Variants in COL4A2 observed in about 807,000 individuals in gnomAD.
COL4A2 encodes collagen type IV alpha 2 chain.
A neutral mutation model predicts 200.2 loss-of-function variants in COL4A2; 99 were observed. The ratio of observed to expected loss-of-function variants is 0.49; its 90% confidence interval spans 0.42 to 0.58. COL4A2 has a LOEUF of 0.58. Ranked by LOEUF, COL4A2 falls within the 20% of genes least tolerant of loss-of-function variation. The pLI is 0.00. For missense variants in COL4A2, 1,950 were observed against 2,314.1 expected, an observed-to-expected ratio of 0.84 and a Z score of 3.23; for synonymous variants, 897 against 900.6, an observed-to-expected ratio of 1.00 and a Z score of 0.07.
chr13:110,450,198 G>A (rs564776974), intron 19 of COL4A2, 107 bp from the exon 20 acceptor site: 3 of 893,518 alleles, frequency 3.4e-6, no homozygotes, highest in East Asian at 4.9e-5. Flanking sequence ...TTATTGACGG[G>A]GCCATGAAGC....
At chr13:110,331,656 G>A (rs1322582807) in intron 3 of COL4A2, among the ~76,000 whole-genome samples, 4 of 152,068 alleles carry the variant, frequency 2.6e-5, no homozygotes, top group African/African-American at 7.2e-5. Flanking sequence ...GGCAGTAGGA[G>A]GAATGGAGGC....
rs1566575680 is a variant in COL4A2 at position 110,509,272 on chromosome 13, C to CATAT, written c.4881+1052_4881+1053insTATA. 5.5e-4 allele frequency among the ~76,000 whole-genome samples: 46 copies of CATAT among 83,478 alleles called. 1 individual carries two copies. Among genetic ancestry groups the CATAT allele is most frequent in the African/African-American group, 2.1e-3 (43 of 20,262 alleles). 54.8% of individuals were successfully genotyped at this position (83,478 alleles called of 152,430 possible). A position where few individuals can be genotyped will look rare whatever the true frequency, so the allele number is the denominator to read the frequency against. ...ATATATATATATATATATATATATA[C>CATAT]ACACACACACACACACACACACACA... On this transcript the variant is annotated intron_variant, in intron 47 of 47. Coordinates refer to ENST00000360467, the MANE Select transcript of COL4A2 (RefSeq NM_001846.4).
chr13:110,483,922 T>C (rs1173084462), intron 32 of COL4A2, among the ~76,000 whole-genome samples: 2 of 152,218 alleles, frequency 1.3e-5, no homozygotes. Context: ...ATATAAATTA[T>C]ACATCAATAA....
intron 4 of COL4A2, among the ~76,000 whole-genome samples, chr13:110,400,788 C>T (rs2139430563): frequency 6.6e-6 from 1 of 152,172 alleles, no homozygotes; most frequent in South Asian, 2.1e-4. Flanking sequence ...ATTTCCTGCC[C>T]ACGTACACAT....
intron 40 of COL4A2, among the ~76,000 whole-genome samples, chr13:110,495,819 C>T (rs1194372130): frequency 2.6e-5 from 4 of 152,186 alleles, no homozygotes; most frequent in African/African-American, 9.7e-5. Flanking sequence ...TGCATTAAAC[C>T]TCCTAGCAGA....
At position 110,503,225 on chromosome 13, in the gene COL4A2, G is replaced by T. The variant is rs1483534631; in HGVS notation, c.3982G>T (p.Ala1328Ser). ...APGTPGTKGW[A>S]GDSGPQGRPG... ...AGGAACCCCAGGGACCAAAGGATGGGCCGGGGACTCCGGGCCCCAGGGCAG... is the reference window on the plus strand; with the variant it reads ...AGGAACCCCAGGGACCAAAGGATGGTCCGGGGACTCCGGGCCCCAGGGCAG... The change falls in exon 42 of 48, where the codon GCC becomes TCC. Residue 1328 changes from alanine to serine, a missense_variant. By Grantham distance (99) the Ala-to-Ser change is moderately conservative. Around this residue, in one of 2 missense-constraint regions of COL4A2, gnomAD observed 1,385 missense variants for 1,720.5 expected, o/e 0.80. Transcript: ENST00000360467. The T allele has an allele frequency of 5.6e-6, 9 of 1,613,710 alleles. No individual in the cohort carries two copies. The highest frequency in any genetic ancestry group is 7.6e-6 in the Non-Finnish European group (9 of 1,179,934).
chr13:110,397,990 G>A (rs991462084), intron 4 of COL4A2, among the ~76,000 whole-genome samples: 27 of 152,124 alleles, frequency 1.8e-4, no homozygotes, highest in African/African-American at 6.0e-4. Context: ...GAAAACTCGC[G>A]AACAGATGCA....
chr13:110,407,993 CAG>C (rs1451541012), intron 4 of COL4A2, among the ~76,000 whole-genome samples: 2 of 152,194 alleles, frequency 1.3e-5, no homozygotes, highest in African/African-American at 4.8e-5. Context: ...ACCCTCTAGA[CAG>C]AGGCGTCCAG....
At chr13:110,399,642 A>G (rs1453096889) in intron 4 of COL4A2, among the ~76,000 whole-genome samples, 1 of 152,232 alleles carries the variant, frequency 6.6e-6, no homozygotes, top group Admixed American at 6.5e-5. Context: ...GTTTTGTGAA[A>G]TATATGAAAA....
chr13:110,422,764 G>A (rs1158186555), intron 4 of COL4A2, among the ~76,000 whole-genome samples: 6 of 152,140 alleles, frequency 3.9e-5, no homozygotes, highest in Admixed American at 2.6e-4. Context: ...ACTACTTCCC[G>A]TGATGCCTGG....
At chr13:110,486,277 A>C in intron 34 of COL4A2, among the ~76,000 whole-genome samples, 1 of 152,184 alleles carries the variant, frequency 6.6e-6, no homozygotes, top group South Asian at 2.1e-4. Context: ...TCTGTTGAGC[A>C]CTTGACATGG....
intron 3 of COL4A2, among the ~76,000 whole-genome samples, chr13:110,309,976 G>A (rs1884927446): frequency 6.6e-6 from 1 of 152,158 alleles, no homozygotes; most frequent in African/African-American, 2.4e-5. Context: ...GGGCGACGGA[G>A]CAAGACTCTG....
Position 110,438,026 on chromosome 13 carries a change from C to T in COL4A2, c.850C>T (p.Pro284Ser). ...GGGTGAAAAAGGCAGTGAGGGGGAA[C>T]CAGGAATAAGAGTAAGTCGAGTAAT... is the stretch of plus-strand genomic sequence containing the variant. ...YKGEKGSEGE[P>S]GIRGISLKGE... Residue 284 changes from proline to serine, a missense_variant, in exon 14 of 48, where the codon CCA (proline) becomes TCA (serine). Around this residue, in one of 2 missense-constraint regions of COL4A2, gnomAD observed 565 missense variants for 593.5 expected, o/e 0.95. Transcript: ENST00000360467. 2.5e-6 allele frequency: 4 copies of T among 1,613,372 alleles called. No homozygotes were observed. The highest frequency in any genetic ancestry group is 2.2e-5 in the South Asian group (2 of 91,034).
At chr13:110,353,026 G>A (rs982426386) in intron 3 of COL4A2, among the ~76,000 whole-genome samples, 2 of 152,222 alleles carry the variant, frequency 1.3e-5, no homozygotes, top group Non-Finnish European at 2.9e-5. Flanking sequence ...TGAGAGCTGG[G>A]CATTGGAATT....
chr13:110,328,259 T>C (rs756229890), intron 3 of COL4A2: 5 of 152,254 alleles, frequency 3.3e-5, no homozygotes, highest in Non-Finnish European at 5.9e-5. Context: ...CGGAGGACCA[T>C]GAGTTCCTTG....
intron 39 of COL4A2, 140 bp downstream of exon 39, chr13:110,493,422 C>T: frequency 2.4e-6 from 2 of 823,636 alleles, no homozygotes; most frequent in Non-Finnish European, 3.9e-6. Context: ...ATGCGATCGG[C>T]CGTGAGGGGC....
chr13:110,314,744 C>T (rs866790198), intron 3 of COL4A2, among the ~76,000 whole-genome samples: 2 of 152,322 alleles, frequency 1.3e-5, no homozygotes, highest in South Asian at 4.1e-4. Flanking sequence ...CGCGCTCACC[C>T]CTAGGAACGC....
chr13:110,371,128 G>T (rs1358282774), intron 4 of COL4A2, among the ~76,000 whole-genome samples: 1 of 152,222 alleles, frequency 6.6e-6, no homozygotes, highest in African/African-American at 2.4e-5. Flanking sequence ...TGAATAAGAT[G>T]CGTCCTTTAA....
chr13:110,493,723 C>T (rs1482741526), intron 39 of COL4A2, among the ~76,000 whole-genome samples: 4 of 152,148 alleles, frequency 2.6e-5, no homozygotes, highest in African/African-American at 2.4e-5. Context: ...ACAGTGATAG[C>T]GCTTGGGCAC....
Sources: allele counts gnomAD v4.1 joint callset (sites outside exome capture counted in the v4.1 genomes callset), GRCh38; gene constraint gnomAD v4.1.1; regional missense constraint gnomAD v4.1.1; transcripts MANE v1.5; gene names NCBI Gene and HGNC (gene_info 2026-07-23, HGNC 2026-07-21).